The following GPD2 variants were observed in gnomAD, a reference collection of about 807,000 sequenced individuals.
GPD2 encodes glycerol-3-phosphate dehydrogenase 2, also known as glycerol-3-phosphate dehydrogenase, mitochondrial.
GPD2 carries 54 observed loss-of-function variants against 82.4 expected under a neutral mutation model. That is an observed-to-expected ratio of 0.66 (90% CI 0.53 to 0.82). The LOEUF (loss-of-function observed/expected upper bound fraction) is 0.82, where lower values mean the gene tolerates loss of function less well. Among genes scored for constraint, GPD2 ranks in the 40% least tolerant of loss-of-function variants. GPD2 has a pLI of 0.00. For missense variants in GPD2, 748 were observed against 896.2 expected (o/e 0.83, Z 2.11); for synonymous variants, 288 against 306.1 (o/e 0.94, Z 0.62).
intron 6 of GPD2, among the ~76,000 whole-genome samples, chr2:156,537,068 G>A (rs745772766): frequency 6.6e-6 from 1 of 152,212 alleles, no homozygotes; most frequent in Non-Finnish European, 1.5e-5. Flanking sequence ...AGATATTGGG[G>A]CAGGAACTCT....
At chr2:156,442,671 GGTGGTGC>G (rs1478760425) in intron 1 of GPD2, among the ~76,000 whole-genome samples, 2 of 152,046 alleles carry the variant, frequency 1.3e-5, no homozygotes, top group Non-Finnish European at 2.9e-5. Flanking sequence ...AGCTGCGTCT[GGTGGTGC>G]GTGTCTCCTA....
In GPD2 at chr2:156,584,158, T is replaced by G. The variant is rs1275403013; in HGVS notation, c.*1240T>G. The G allele has an allele frequency of 6.6e-6, 1 of 152,032 alleles. No homozygotes were observed. Among genetic ancestry groups the G allele is most frequent in the Non-Finnish European group, 1.5e-5 (1 of 67,936 alleles). 9.4% of individuals were successfully genotyped at this position (152,032 alleles called of 1,614,324 possible). A position where few individuals can be genotyped will look rare whatever the true frequency, so the allele number is the denominator to read the frequency against. ...AGTCCAAAGCAAAAGTCAGTGTGTA[T>G]TGAATTTAACAAGTAATGCAGTTTG... On this transcript the variant is annotated 3_prime_UTR_variant, in exon 17 of 17. Coordinates refer to ENST00000438166, the MANE Select transcript of GPD2 (RefSeq NM_000408.5).
At chr2:156,451,692 G>A (rs1682595072) in intron 1 of GPD2, among the ~76,000 whole-genome samples, 1 of 141,466 alleles carries the variant, frequency 7.1e-6, no homozygotes, top group African/African-American at 2.6e-5. Context: ...GCAGGGCGGG[G>A]GGCTGACCCC....
chr2:156,510,762 T>C, intron 3 of GPD2, 34 bp from the exon 4 acceptor site: 1 of 1,583,838 alleles, frequency 6.3e-7, no homozygotes, highest in South Asian at 1.1e-5. Flanking sequence ...AATTGTGTAA[T>C]TTAAGAAGTT....
At chr2:156,451,462 C>T (rs1682574331) in intron 1 of GPD2, among the ~76,000 whole-genome samples, 1 of 97,542 alleles carries the variant, frequency 1.0e-5, no homozygotes, top group Non-Finnish European at 2.1e-5. Context: ...GCTGGCCGGG[C>T]GGGGGGCTGA....
At chr2:156,552,758 A>C (rs180859383) in intron 8 of GPD2, among the ~76,000 whole-genome samples, 1 of 152,274 alleles carries the variant, frequency 6.6e-6, no homozygotes, top group African/African-American at 2.4e-5. Flanking sequence ...CTGCTCCTTC[A>C]GAGTTTAGAG....
At chr2:156,570,320 C>A in intron 12 of GPD2, 102 bp downstream of exon 12, 1 of 1,007,688 alleles carries the variant, frequency 9.9e-7, no homozygotes, top group Non-Finnish European at 1.6e-6. Context: ...TTTTAATGCA[C>A]ATATGTCAGC....
chr2:156,400,974 T>A, the GPD2 span, among the ~76,000 whole-genome samples: 1 of 152,168 alleles, frequency 6.6e-6, no homozygotes, highest in East Asian at 1.9e-4. Flanking sequence ...CTGAAAAAAA[T>A]CAGCGAAGCT....
At chr2:156,520,569 T>C (rs910547564) in intron 6 of GPD2, among the ~76,000 whole-genome samples, 1 of 35,206 alleles carries the variant, frequency 2.8e-5, no homozygotes, top group East Asian at 3.1e-3. Context: ...TGTTATTTAT[T>C]TATTTATTTA....
intron 6 of GPD2, among the ~76,000 whole-genome samples, chr2:156,526,098 A>G (rs1017957757): frequency 3.9e-5 from 6 of 152,158 alleles, no homozygotes; most frequent in African/African-American, 1.4e-4. Context: ...AGAGGCCACA[A>G]AATTTTAAAA....
intron 8 of GPD2, among the ~76,000 whole-genome samples, chr2:156,554,948 T>A (rs1686905036): frequency 6.6e-6 from 1 of 152,214 alleles, no homozygotes; most frequent in Admixed American, 6.5e-5. Flanking sequence ...ACACATAAAT[T>A]AGCAGCAAGC....
At position 156,571,307 on chromosome 2, in the gene GPD2, T is replaced by G. The variant is rs757844909; in HGVS notation, c.1767+15T>G. On this transcript the variant is annotated intron_variant, in intron 13 of 16. Transcript: ENST00000438166. ...ATAAGAAGCAGGTATTATATAGAAG[T>G]CTTTAAAACCACAATTCCTATTGTA... The G allele has an allele frequency of 1.3e-6, 2 of 1,533,818 alleles. No homozygotes were observed. The highest frequency in any genetic ancestry group is 1.8e-6 in the Non-Finnish European group (2 of 1,127,372).
At position 156,571,242 on chromosome 2, in the gene GPD2, A is replaced by G; in HGVS notation, c.1717A>G (p.Ile573Val). Reference sequence around the variant, plus strand: ...GGCAGCAGAGGAAGCCCTACCCAGGATTGTTGAACTGATGGGCAGGGAACT... The same window carrying G: ...GGCAGCAGAGGAAGCCCTACCCAGGGTTGTTGAACTGATGGGCAGGGAACT... ...VQAAEEALPR[I>V]VELMGRELNW... Residue 573 changes from isoleucine (I) to valine (V), a missense_variant, in exon 13 of 17, where the codon ATT becomes GTT. Physicochemically the swap from Ile to Val is conservative, Grantham distance 29 (BLOSUM62 3). Transcript: ENST00000438166. 1 of 1,612,958 alleles carries G rather than the reference A, an allele frequency of 6.2e-7. No homozygotes were observed. Among genetic ancestry groups the G allele is most frequent in the Non-Finnish European group, 8.5e-7 (1 of 1,179,126 alleles).
At chr2:156,489,875 TTCCCC>T (rs1558924514) in intron 2 of GPD2, among the ~76,000 whole-genome samples, 19 of 123,512 alleles carry the variant, frequency 1.5e-4, no homozygotes, top group East Asian at 2.9e-4. Context: ...CCTTCCTTCC[TTCCCC>T]TCCCCTCCCC....
intron 9 of GPD2, among the ~76,000 whole-genome samples, chr2:156,562,129 T>G (rs1687197716): frequency 6.6e-6 from 1 of 152,208 alleles, no homozygotes; most frequent in African/African-American, 2.4e-5. Context: ...TTAACAGGAT[T>G]GAGAGAGACA....
intron 1 of GPD2, among the ~76,000 whole-genome samples, chr2:156,437,737 A>G (rs1017425880): frequency 6.6e-6 from 1 of 152,228 alleles, no homozygotes; most frequent in Non-Finnish European, 1.5e-5. Context: ...TCTAAACAGC[A>G]TTAGAGCTCT....
At chr2:156,554,095 G>A (rs910816429) in intron 8 of GPD2, among the ~76,000 whole-genome samples, 1 of 152,120 alleles carries the variant, frequency 6.6e-6, no homozygotes, top group African/African-American at 2.4e-5. Flanking sequence ...CTAGATTAAG[G>A]GTTCATTCCC....
intron 3 of GPD2, among the ~76,000 whole-genome samples, chr2:156,506,603 A>T (rs917395300): frequency 1.1e-4 from 17 of 151,800 alleles, no homozygotes; most frequent in Non-Finnish European, 1.3e-4. Context: ...AAAAAAAAAA[A>T]TCCATCCTGA....
At chr2:156,416,352 CT>C in the GPD2 span, among the ~76,000 whole-genome samples, 317 of 142,600 alleles carry the variant, frequency 2.2e-3, 1 homozygote, top group African/African-American at 2.1e-3. Context: ...TAAAATATTT[CT>C]TTTTTTTTTT....
Sources: gnomAD v4.1 joint callset for allele counts (sites outside exome capture counted in the v4.1 genomes callset) on GRCh38, gnomAD v4.1.1 for gene constraint, MANE v1.5 for transcripts, NCBI Gene and HGNC (gene_info 2026-07-23, HGNC 2026-07-21) for gene names.